Variants in COL14A1 observed in about 807,000 individuals in gnomAD.
The protein encoded by COL14A1 is collagen type XIV alpha 1 chain.
In COL14A1, 136 loss-of-function variants were observed where a neutral mutation model predicts 230.3. The observed-to-expected ratio is 0.59, with a 90% CI of 0.51 to 0.68. The LOEUF (loss-of-function observed/expected upper bound fraction) is 0.68, where lower values mean the gene tolerates loss of function less well. Ranked by LOEUF, COL14A1 falls within the 30% of genes least tolerant of loss-of-function variation. The pLI is 0.00. For missense variants in COL14A1, 1,976 were observed against 2,215.8 expected (o/e 0.89, Z 2.17); for synonymous variants, 792 against 784.1 (o/e 1.01, Z -0.17).
At chr8:120,319,986 T>C (rs1563735979) in intron 40 of COL14A1, among the ~76,000 whole-genome samples, 1 of 152,206 alleles carries the variant, frequency 6.6e-6, no homozygotes, top group African/African-American at 2.4e-5. Flanking sequence ...TCCTCTTCTT[T>C]TCTTGGTATC....
At chr8:120,231,656 G>A (rs766891065) in intron 19 of COL14A1, 38 bp downstream of exon 19, 1 of 1,600,892 alleles carries the variant, frequency 6.2e-7, no homozygotes, top group South Asian at 1.1e-5. Flanking sequence ...CTCTGCAGAT[G>A]TTACTAACAC....
intron 14 of COL14A1, among the ~76,000 whole-genome samples, chr8:120,220,788 GATGGTGATGATA>G (rs1311304176): frequency 6.6e-6 from 1 of 152,066 alleles, no homozygotes; most frequent in East Asian, 1.9e-4. Flanking sequence ...TGATGGTGAT[GATGGTGATGATA>G]ATGGTGATGA....
At chr8:120,337,407 A>G (rs1822118940) in intron 42 of COL14A1, among the ~76,000 whole-genome samples, 2 of 151,090 alleles carry the variant, frequency 1.3e-5, no homozygotes, top group African/African-American at 4.9e-5. Flanking sequence ...AAATTAAAAA[A>G]AAAAAAAAAA....
At chr8:120,370,239 G>T in intron 47 of COL14A1, 1 of 1,283,858 alleles carries the variant, frequency 7.8e-7, no homozygotes. Flanking sequence ...TTTAACCTTA[G>T]TTATCACAGG....
In COL14A1 at chr8:120,243,888, C is replaced by T. The variant is rs570726711; in HGVS notation, c.2359C>T (p.Pro787Ser). ...EEEVIGTVMV[P>S]GSQNNLLLKP... ...TTGCTTTTTTGTTCAGGTTATGGTG[C>T]CTGGAAGCCAGAACAACCTCCTTCT... is the stretch of plus-strand genomic sequence containing the variant. Residue 787 changes from proline to serine, a missense_variant, in exon 20 of 48, where the codon CCT (proline) becomes TCT (serine). Transcript: ENST00000297848. 8.7e-6 allele frequency: 14 copies of T among 1,613,150 alleles called. 1 individual carries two copies. The South Asian group carries it at 1.4e-4, about 16-fold the overall frequency.
intron 19 of COL14A1, among the ~76,000 whole-genome samples, chr8:120,237,440 G>T (rs150463188): frequency 2.0e-5 from 3 of 152,098 alleles, no homozygotes; most frequent in African/African-American, 7.2e-5. Context: ...AAGTTCTTAC[G>T]CTGTGTTTTT....
chr8:120,270,231 C>G, intron 26 of COL14A1, 57 bp downstream of exon 26: 13 of 1,496,328 alleles, frequency 8.7e-6, no homozygotes, highest in South Asian at 1.3e-5. Flanking sequence ...TTCTCCAGCT[C>G]TTATTACAGC....
At chr8:120,209,178 TG>T (rs1817540240) in intron 11 of COL14A1, among the ~76,000 whole-genome samples, 1 of 152,076 alleles carries the variant, frequency 6.6e-6, no homozygotes, top group South Asian at 2.1e-4. Context: ...TTAGTGAGCC[TG>T]GGCAACATGG....
intron 14 of COL14A1, among the ~76,000 whole-genome samples, chr8:120,223,686 A>C (rs1004534036): frequency 1.3e-5 from 2 of 152,172 alleles, no homozygotes; most frequent in Non-Finnish European, 2.9e-5. Flanking sequence ...AACAACAACA[A>C]AAAAAGGGAT....
intron 20 of COL14A1, among the ~76,000 whole-genome samples, chr8:120,247,110 G>C (rs1248698546): frequency 6.6e-6 from 1 of 152,148 alleles, no homozygotes; most frequent in Non-Finnish European, 1.5e-5. Context: ...TTTGTTCTAA[G>C]AGCAATTATT....
In COL14A1 at chr8:120,340,105, A is replaced by AGT. The variant is rs1181737995; in HGVS notation, c.4786-1218_4786-1217dup. On this transcript the variant is annotated intron_variant, in intron 42 of 47. Transcript: ENST00000297848. ...TGTATGTGGTGTATGTTTGTGAGTG[A>AGT]GTGAGTGTGTGTGTGTGTGTGTGTG... is the stretch of plus-strand genomic sequence containing the variant. 9.5e-4 allele frequency among the ~76,000 whole-genome samples: 107 copies of AGT among 112,078 alleles called. 1 individual carries two copies. Among genetic ancestry groups the AGT allele is most frequent in the Non-Finnish European group, 7.4e-5 (4 of 53,974 alleles). 73.5% of individuals were successfully genotyped at this position (112,078 alleles called of 152,430 possible).
intron 5 of COL14A1, among the ~76,000 whole-genome samples, chr8:120,190,695 G>A (rs1429787183): frequency 6.6e-6 from 1 of 152,136 alleles, no homozygotes; most frequent in Non-Finnish European, 1.5e-5. Context: ...TGGTTGGTAA[G>A]CTATTGATTA....
chr8:120,204,727 T>G (rs934372007), intron 9 of COL14A1, among the ~76,000 whole-genome samples: 2 of 152,218 alleles, frequency 1.3e-5, no homozygotes, highest in Non-Finnish European at 2.9e-5. Context: ...TTGCATGTTT[T>G]GTTTAATGTA....
chr8:120,139,108 G>A (rs1814809514), intron 1 of COL14A1, among the ~76,000 whole-genome samples: 1 of 152,150 alleles, frequency 6.6e-6, no homozygotes, highest in South Asian at 2.1e-4. Flanking sequence ...GAACTCCTGT[G>A]GGTTGGGAGC....
intron 40 of COL14A1, among the ~76,000 whole-genome samples, chr8:120,318,708 T>G (rs896925157): frequency 1.3e-5 from 2 of 152,078 alleles, no homozygotes; most frequent in African/African-American, 4.8e-5. Context: ...CTGCTCCACC[T>G]CAGGCCATCC....
rs143025238 is a variant in COL14A1, at chr8:120,289,700, G to A, written c.4170G>A (p.Thr1390=). 6.6e-5 allele frequency: 107 copies of A among 1,613,968 alleles called. No individual in the cohort carries two copies. The African/African-American group carries it at 8.9e-4, about 13-fold the overall frequency. The change falls in exon 34 of 48, where the codon ACG becomes ACA. Residue 1390 remains threonine (T), a synonymous_variant. Transcript: ENST00000297848. ...CAATGAACGCATCAGCTAATATCAC[G>A]TCAGATGGTGTAGAAGTGCTAGGGA... ...EKAMNASANI[T]SDGVEVLGKM... is the part of the protein sequence containing the mutation.
intron 18 of COL14A1, among the ~76,000 whole-genome samples, chr8:120,231,029 A>G (rs2130816278): frequency 6.6e-6 from 1 of 152,278 alleles, no homozygotes. Flanking sequence ...AATGGAGGTG[A>G]GGGCAGGTGA....
Position 120,283,743 on chromosome 8 carries a change from A to G in COL14A1, c.3932A>G (p.Lys1311Arg). The G allele has an allele frequency of 1.2e-6, 2 of 1,612,926 alleles. No homozygotes were observed. The highest frequency in any genetic ancestry group is 1.7e-6 in the Non-Finnish European group (2 of 1,179,708). Residue 1311 changes from lysine (K) to arginine (R), a missense_variant, in exon 32 of 48, where the codon AAA becomes AGA. Around this residue, in one of 3 missense-constraint regions of COL14A1, gnomAD observed 1,791 missense variants for 2,019.5 expected, o/e 0.89. Coordinates refer to ENST00000297848, the MANE Select transcript of COL14A1 (RefSeq NM_021110.4). Reference sequence around the variant, plus strand: ...TTTGCTCTTTGGGAGATTTTAAATAAAAATTCTGACCCATTGGTTGGGGTT... The same window carrying G: ...TTTGCTCTTTGGGAGATTTTAAATAGAAATTCTGACCCATTGGTTGGGGTT... The part of the protein sequence containing the change: ...EPFALWEILN[K>R]NSDPLVGVIL...
intron 45 of COL14A1, among the ~76,000 whole-genome samples, chr8:120,348,016 A>G (rs1396752435): frequency 6.6e-6 from 1 of 152,084 alleles, no homozygotes; most frequent in African/African-American, 2.4e-5. Flanking sequence ...TCCTAAAAAA[A>G]TTCACTACTG....
Sources: allele counts gnomAD v4.1 joint callset (sites outside exome capture counted in the v4.1 genomes callset), GRCh38; gene constraint gnomAD v4.1.1; regional missense constraint gnomAD v4.1.1; transcripts MANE v1.5; gene names NCBI Gene and HGNC (gene_info 2026-07-23, HGNC 2026-07-21).